KLHL20: variants seen among roughly 807,000 people sequenced by gnomAD.
KLHL20 encodes kelch-like protein 20.
A neutral mutation model predicts 69.5 loss-of-function variants in KLHL20; 29 were observed. The ratio of observed to expected loss-of-function variants is 0.42; its 90% CI spans 0.31 to 0.57. KLHL20 has a LOEUF of 0.57. Among genes scored for constraint, KLHL20 ranks in the 20% least tolerant of loss-of-function variants. The probability of loss-of-function intolerance (pLI) is 0.18; values close to 1 mark genes in which losing one functional copy is unlikely to be tolerated. For synonymous variants in KLHL20, 253 were observed against 265.2 expected, an observed-to-expected ratio of 0.95 and a Z score of 0.45; for missense variants, 419 against 776.0, an observed-to-expected ratio of 0.54 and a Z score of 5.47.
intron 7 of KLHL20, among the ~76,000 whole-genome samples, chr1:173,761,472 A>T (rs1647307693): frequency 6.6e-6 from 1 of 152,208 alleles, no homozygotes; most frequent in African/African-American, 2.4e-5. Flanking sequence ...TCCAAGATAG[A>T]CCATAAGATA....
intron 2 of KLHL20, among the ~76,000 whole-genome samples, chr1:173,728,721 TCTCTGGG>T (rs1302288341): frequency 3.3e-5 from 5 of 151,974 alleles, no homozygotes; most frequent in African/African-American, 1.2e-4. Context: ...CATACCAGAA[TCTCTGGG>T]ACACATTCAA....
rs1461767406 is a variant in KLHL20, at chr1:173,764,484, T to TC, written c.1152-1661dup. ...ATCGTGGAAGCAAACCAAATGTCCG[T>TC]CAATCAATGAGTGGATAAAGAAACT... is the stretch of plus-strand genomic sequence containing the variant. On this transcript the variant is annotated intron_variant, in intron 7 of 11. Coordinates refer to ENST00000209884, the MANE Select transcript of KLHL20 (RefSeq NM_014458.4). Among the ~76,000 whole-genome samples, 4 of 152,282 alleles carry TC rather than the reference T, an allele frequency of 2.6e-5. No individual in the cohort carries two copies. The East Asian group carries it at 7.7e-4, about 29-fold the overall frequency.
chr1:173,744,300 G>A (rs2102488359), intron 3 of KLHL20, among the ~76,000 whole-genome samples: 1 of 152,022 alleles, frequency 6.6e-6, no homozygotes, highest in East Asian at 1.9e-4. Context: ...TTTGTGAATT[G>A]TGTTTTAATG....
At chr1:173,716,752 C>G (rs562923402) in intron 2 of KLHL20, among the ~76,000 whole-genome samples, 1 of 152,252 alleles carries the variant, frequency 6.6e-6, no homozygotes, top group East Asian at 1.9e-4. Flanking sequence ...TTATTGAACT[C>G]TATTTAATCA....
intron 3 of KLHL20, among the ~76,000 whole-genome samples, chr1:173,734,736 C>T (rs1237273034): frequency 1.3e-5 from 2 of 152,048 alleles, no homozygotes; most frequent in Admixed American, 1.3e-4. Flanking sequence ...TTTCATTAAA[C>T]CTATCTTTCC....
At chr1:173,722,687 A>ATTTT (rs66503240) in intron 2 of KLHL20, among the ~76,000 whole-genome samples, 2 of 138,326 alleles carry the variant, frequency 1.4e-5, no homozygotes, top group South Asian at 2.3e-4. Flanking sequence ...TGCTATGGTA[A>ATTTT]TTTTTTTTTT....
chr1:173,766,120 C>G (rs756308433), intron 7 of KLHL20, 26 bp from the exon 8 acceptor site: 2 of 1,537,492 alleles, frequency 1.3e-6, no homozygotes, highest in South Asian at 2.5e-5. Flanking sequence ...GTAATACAAA[C>G]TCTCCTCTTG....
chr1:173,763,875 A>AAAC (rs909694560), intron 7 of KLHL20, among the ~76,000 whole-genome samples: 15 of 151,916 alleles, frequency 9.9e-5, no homozygotes, highest in African/African-American at 3.6e-4. Flanking sequence ...ATAAAAAAAA[A>AAAC]AAAAAAACAG....
intron 2 of KLHL20, among the ~76,000 whole-genome samples, chr1:173,727,167 T>C (rs1222979925): frequency 1.3e-5 from 2 of 148,604 alleles, no homozygotes; most frequent in African/African-American, 5.0e-5. Flanking sequence ...ATCAAATGAA[T>C]GAAATGAAGC....
chr1:173,718,696 G>A (rs905134266), intron 2 of KLHL20, among the ~76,000 whole-genome samples: 1 of 152,116 alleles, frequency 6.6e-6, no homozygotes, highest in Non-Finnish European at 1.5e-5. Flanking sequence ...ACTCCTGCCC[G>A]TGTAACAGAG....
rs555919837 is a variant in KLHL20, at chr1:173,722,669, T to A, written c.23+6603T>A. On this transcript the variant is annotated intron_variant, in intron 2 of 11. Transcript: ENST00000209884. ...TACTGATGCAGTAATAAGAGCATTA[T>A]TTTTTTTTGCTATGGTAATTTTTTT... 1.6e-3 allele frequency among the ~76,000 whole-genome samples: 240 copies of A among 147,634 alleles called. 5 individuals are homozygous for A. In the East Asian group the frequency reaches 0.038, roughly 23 times the overall value.
intron 11 of KLHL20, 21 bp downstream of exon 11, chr1:173,782,251 C>A (rs1211060253): frequency 2.0e-6 from 3 of 1,526,758 alleles, no homozygotes; most frequent in Non-Finnish European, 2.7e-6. Flanking sequence ...AGCTGTGTAG[C>A]AAATCACCTC....
intron 11 of KLHL20, among the ~76,000 whole-genome samples, 167 bp downstream of exon 11, chr1:173,782,397 G>A (rs1356675700): frequency 6.6e-6 from 1 of 151,916 alleles, no homozygotes; most frequent in Non-Finnish European, 1.5e-5. Context: ...GCTCTAAAGT[G>A]GCTGATATAT....
At chr1:173,760,866 AAAGTAAAGTAAC>A (rs1318866547) in intron 7 of KLHL20, among the ~76,000 whole-genome samples, 2 of 152,176 alleles carry the variant, frequency 1.3e-5, no homozygotes, top group Non-Finnish European at 2.9e-5. Flanking sequence ...GAGCACTACG[AAAGTAAAGTAAC>A]GGTACCTCAC....
At chr1:173,743,624 A>G (rs558796608) in intron 3 of KLHL20, among the ~76,000 whole-genome samples, 2 of 151,560 alleles carry the variant, frequency 1.3e-5, no homozygotes, top group South Asian at 4.2e-4. Context: ...AGCACTGTGG[A>G]CTCATGGCTT....
chr1:173,718,932 G>A (rs954291110), intron 2 of KLHL20, among the ~76,000 whole-genome samples: 4 of 150,834 alleles, frequency 2.7e-5, no homozygotes, highest in South Asian at 2.1e-4. Context: ...GTGAAACCCC[G>A]TCTCTACTAA....
At chr1:173,742,838 T>C (rs1034314670) in intron 3 of KLHL20, among the ~76,000 whole-genome samples, 1 of 151,588 alleles carries the variant, frequency 6.6e-6, no homozygotes, top group Non-Finnish European at 1.5e-5. Flanking sequence ...TTAAGAAACA[T>C]TAAAACATTA....
chr1:173,719,045 C>T lies in KLHL20; in HGVS notation c.23+2979C>T, dbSNP rs913272567. Among the ~76,000 whole-genome samples, 9 of 138,182 alleles carry T rather than the reference C, an allele frequency of 6.5e-5. No homozygotes were observed. The South Asian group carries it at 6.5e-4, about 10-fold the overall frequency. The allele number at this position is 138,182 out of a possible 152,430, so 90.7% of individuals were successfully genotyped here. A position where few individuals can be genotyped will look rare whatever the true frequency, so the allele number is the denominator to read the frequency against. On this transcript the variant is annotated intron_variant, in intron 2 of 11. Transcript: ENST00000209884. The stretch of plus-strand genomic sequence containing the variant: ...GCGTGAACCTGGGAGGCGGAGCTTG[C>T]AGTGAGCCGAGATTGCGCCACTGCA...
intron 7 of KLHL20, among the ~76,000 whole-genome samples, chr1:173,760,949 G>A (rs534947461): frequency 2.6e-5 from 4 of 152,252 alleles, no homozygotes; most frequent in Non-Finnish European, 5.9e-5. Context: ...GTACAGAACC[G>A]CAGAATGGAT....
Sources: gnomAD v4.1 joint callset for allele counts (sites outside exome capture counted in the v4.1 genomes callset) on GRCh38, gnomAD v4.1.1 for gene constraint, MANE v1.5 for transcripts, NCBI Gene and HGNC (gene_info 2026-07-23, HGNC 2026-07-21) for gene names.